The following ELMO1 variants were observed in gnomAD, a reference collection of about 807,000 sequenced individuals.
ELMO1 encodes the protein engulfment and cell motility 1, also known as engulfment and cell motility protein 1.
In ELMO1, 26 loss-of-function variants were observed where a neutral mutation model predicts 98.9. The observed-to-expected ratio is 0.26, with a 90% confidence interval of 0.19 to 0.36. The LOEUF is 0.36. Ranked by LOEUF, ELMO1 falls within the 10% of genes least tolerant of loss-of-function variation. The pLI is 1.00. For missense variants in ELMO1, 627 were observed against 935.2 expected (o/e 0.67, Z 4.30); for synonymous variants, 346 against 346.0 (o/e 1.00, Z 0.00).
At chr7:37,426,039 T>G (rs1366020857) in intron 1 of ELMO1, among the ~76,000 whole-genome samples, 2 of 151,678 alleles carry the variant, frequency 1.3e-5, no homozygotes, top group Non-Finnish European at 2.9e-5. Context: ...AGAGGTGTGC[T>G]CCTTCCTTCA....
chr7:37,094,323 T>A (rs971537790), intron 15 of ELMO1, among the ~76,000 whole-genome samples: 6 of 152,160 alleles, frequency 3.9e-5, no homozygotes, highest in Middle Eastern at 3.2e-3. Flanking sequence ...ATCTGTGGCA[T>A]CTCCAGGGAC....
At chr7:37,346,976 TGA>T (rs941583268) in intron 1 of ELMO1, among the ~76,000 whole-genome samples, 4 of 152,104 alleles carry the variant, frequency 2.6e-5, no homozygotes, top group African/African-American at 9.7e-5. Flanking sequence ...AAGCAGCCAT[TGA>T]GAGAGCAAAG....
intron 13 of ELMO1, among the ~76,000 whole-genome samples, chr7:37,150,113 G>A (rs1398288445): frequency 6.6e-6 from 1 of 152,062 alleles, no homozygotes; most frequent in Non-Finnish European, 1.5e-5. Flanking sequence ...AACCTCAGAT[G>A]GGGCCTTTGA....
chr7:37,031,404 A>G (rs1206777298), intron 15 of ELMO1, among the ~76,000 whole-genome samples: 1 of 152,168 alleles, frequency 6.6e-6, no homozygotes, highest in Non-Finnish European at 1.5e-5. Context: ...TAAGACAATA[A>G]TGAAAAACAT....
At chr7:36,971,602 T>C (rs1203818244) in intron 16 of ELMO1, among the ~76,000 whole-genome samples, 1 of 152,218 alleles carries the variant, frequency 6.6e-6, no homozygotes, top group East Asian at 1.9e-4. Flanking sequence ...AGAAAAGCAG[T>C]ATTACCAAGA....
chr7:37,267,756 C>T (rs144598068), intron 5 of ELMO1, among the ~76,000 whole-genome samples: 178 of 152,234 alleles, frequency 1.2e-3, no homozygotes, highest in Non-Finnish European at 1.8e-3. Context: ...TTTATTTTTC[C>T]CTTGTTCATA....
chr7:37,139,587 A>G (rs1340059791), intron 13 of ELMO1, among the ~76,000 whole-genome samples: 1 of 152,232 alleles, frequency 6.6e-6, no homozygotes, highest in Admixed American at 6.5e-5. Flanking sequence ...AAATGGAAAC[A>G]CATCCCATGC....
intron 13 of ELMO1, among the ~76,000 whole-genome samples, chr7:37,146,101 C>G (rs1278199859): frequency 6.6e-6 from 1 of 152,166 alleles, no homozygotes; most frequent in Non-Finnish European, 1.5e-5. Flanking sequence ...CAATGAGAAG[C>G]TCTGTGGTTG....
rs552896645 is a variant in ELMO1, at chr7:37,134,184, A to C, written c.1087-950T>G. ...GTTGATGGGAATGTAAATTAGTACAACCTCTATGGAAAACACTATGGAGAT... is the reference window on the plus strand; with the variant it reads ...GTTGATGGGAATGTAAATTAGTACACCCTCTATGGAAAACACTATGGAGAT... On this transcript the variant is annotated intron_variant, in intron 13 of 21. Coordinates refer to ENST00000310758, the MANE Select transcript of ELMO1 (RefSeq NM_014800.11). Among the ~76,000 whole-genome samples the C allele has an allele frequency of 4.1e-4, 63 of 152,292 alleles. No homozygotes were observed. In the South Asian group the frequency reaches 0.012, roughly 30 times the overall value.
chr7:37,044,165 C>T (rs1795679475), intron 15 of ELMO1, among the ~76,000 whole-genome samples: 1 of 152,120 alleles, frequency 6.6e-6, no homozygotes, highest in African/African-American at 2.4e-5. Flanking sequence ...TGTGAAAATG[C>T]TCAATGAGGG....
At chr7:37,159,698 C>CA (rs879273880) in intron 13 of ELMO1, among the ~76,000 whole-genome samples, 142 of 148,188 alleles carry the variant, frequency 9.6e-4, no homozygotes, top group African/African-American at 3.2e-3. Context: ...GACTCTGTCT[C>CA]AAAAAATAAT....
intron 15 of ELMO1, among the ~76,000 whole-genome samples, chr7:37,052,699 G>A (rs1796172782): frequency 6.6e-6 from 1 of 152,186 alleles, no homozygotes; most frequent in Admixed American, 6.5e-5. Flanking sequence ...ACTGAATGGG[G>A]AATCAAAGTA....
chr7:37,167,518 T>C (rs1789806052), intron 13 of ELMO1, among the ~76,000 whole-genome samples: 1 of 150,562 alleles, frequency 6.6e-6, no homozygotes, highest in Non-Finnish European at 1.5e-5. Flanking sequence ...TCAGGAGCTC[T>C]TTTAGGGCAG....
At chr7:37,144,923 G>C (rs998095590) in intron 13 of ELMO1, among the ~76,000 whole-genome samples, 1 of 152,206 alleles carries the variant, frequency 6.6e-6, no homozygotes, top group African/African-American at 2.4e-5. Context: ...CTCTAAGACA[G>C]AAAATCTCTA....
rs562691310 is a variant in ELMO1 at position 37,080,495 on chromosome 7, C to T, written c.1300+16124G>A. 2.6e-4 allele frequency among the ~76,000 whole-genome samples: 39 copies of T among 147,598 alleles called. No individual in the cohort carries two copies. The South Asian group carries it at 4.3e-3, about 16-fold the overall frequency. The stretch of plus-strand genomic sequence containing the variant: ...CTGTGTCACCCAGGCTGGAGTGCAG[C>T]GGCGTGATCTCAGTTCACTGCCATC... On this transcript the variant is annotated intron_variant, in intron 15 of 21. Transcript: ENST00000310758.
intron 16 of ELMO1, among the ~76,000 whole-genome samples, chr7:36,943,496 A>G (rs967048049): frequency 6.6e-6 from 1 of 152,076 alleles, no homozygotes; most frequent in African/African-American, 2.4e-5. Flanking sequence ...TTGATCACCA[A>G]TTTCATTCAT....
At position 37,377,015 on chromosome 7, in the gene ELMO1, A is replaced by G. The variant is rs569272930; in HGVS notation, c.-73-34252T>C. ...AAGATCATAAGTGAAATATGCATGT[A>G]ATATACCTAACCTACAGGACATTCA... On this transcript the variant is annotated intron_variant, in intron 1 of 21. Coordinates refer to ENST00000310758, the MANE Select transcript of ELMO1 (RefSeq NM_014800.11). Among the ~76,000 whole-genome samples the G allele has an allele frequency of 5.3e-5, 8 of 152,338 alleles. No homozygotes were observed. In the Middle Eastern group the frequency reaches 0.017, roughly 324 times the overall value.
At chr7:37,307,854 G>A (rs771300887) in intron 4 of ELMO1, among the ~76,000 whole-genome samples, 13 of 152,222 alleles carry the variant, frequency 8.5e-5, no homozygotes, top group Non-Finnish European at 1.5e-4. Flanking sequence ...GCTCACGTCT[G>A]TAATCCCAGC....
intron 4 of ELMO1, among the ~76,000 whole-genome samples, chr7:37,273,454 C>T (rs1434641767): frequency 6.6e-6 from 1 of 152,200 alleles, no homozygotes; most frequent in East Asian, 1.9e-4. Flanking sequence ...ACCTTTCTGC[C>T]ATGATTGTTA....
Sources: allele counts gnomAD v4.1 joint callset (sites outside exome capture counted in the v4.1 genomes callset), GRCh38; gene constraint gnomAD v4.1.1; transcripts MANE v1.5; gene names NCBI Gene and HGNC (gene_info 2026-07-23, HGNC 2026-07-21).